Variants in FARP1 observed in about 807,000 individuals in gnomAD.
The protein encoded by FARP1 is FERM, ARH/RhoGEF and pleckstrin domain protein 1.
Under a neutral mutation model 128.8 loss-of-function variants are expected in FARP1, and 52 were observed. That is an observed-to-expected ratio of 0.40 (90% CI 0.32 to 0.51). The LOEUF (loss-of-function observed/expected upper bound fraction) is 0.51. Ranked by LOEUF, FARP1 falls within the 20% of genes least tolerant of loss-of-function variation. The probability of loss-of-function intolerance (pLI) is 0.45; values close to 1 mark genes in which losing one functional copy is unlikely to be tolerated. For synonymous variants in FARP1, 580 were observed against 551.8 expected (o/e 1.05, Z -0.72); for missense variants, 1,333 against 1,367.9 (o/e 0.97, Z 0.40).
chr13:98,438,716 A>C, intron 19 of FARP1, 88 bp from the exon 20 acceptor site: 1 of 1,077,530 alleles, frequency 9.3e-7, no homozygotes, highest in Non-Finnish European at 1.4e-6. Flanking sequence ...CAGGGGCTAC[A>C]AATTTAGCCC....
In FARP1 at chr13:98,231,977, G is replaced by T. The variant is rs139859339; in HGVS notation, c.171+18564G>T. On this transcript the variant is annotated intron_variant, in intron 2 of 26. Transcript: ENST00000319562. ...CAAGTAGCTGGGATTACAGGTACTCGTCACCACGCCCAGCTAATTTCTTTG... is the reference window on the plus strand; with the variant it reads ...CAAGTAGCTGGGATTACAGGTACTCTTCACCACGCCCAGCTAATTTCTTTG... Among the ~76,000 whole-genome samples, 419 of 151,834 alleles carry T rather than the reference G, an allele frequency of 2.8e-3. 1 individual carries two copies. Among genetic ancestry groups the T allele is most frequent in the African/African-American group, 9.2e-3 (382 of 41,404 alleles).
chr13:98,301,603 T>G (rs1253047091), intron 2 of FARP1, among the ~76,000 whole-genome samples: 5 of 152,138 alleles, frequency 3.3e-5, no homozygotes, highest in Admixed American at 2.6e-4. Context: ...AAGCTCAGCG[T>G]TTTCTAGATA....
chr13:98,395,546 G>C, intron 13 of FARP1, 70 bp downstream of exon 13: 1 of 1,487,104 alleles, frequency 6.7e-7, no homozygotes, highest in Non-Finnish European at 9.0e-7. Context: ...GACGTAGATA[G>C]CGAATACGAC....
chr13:98,374,222 G>T (rs1889476879), intron 5 of FARP1, among the ~76,000 whole-genome samples: 1 of 152,114 alleles, frequency 6.6e-6, no homozygotes, highest in Admixed American at 6.5e-5. Context: ...CTAGCAGTTT[G>T]AGACCAGCCT....
chr13:98,265,761 C>T (rs1004074365), intron 2 of FARP1, among the ~76,000 whole-genome samples: 2 of 152,176 alleles, frequency 1.3e-5, no homozygotes, highest in Non-Finnish European at 2.9e-5. Context: ...TTTCTACTTG[C>T]AACAACTCAT....
chr13:98,170,413 A>G (rs1268875276), intron 1 of FARP1, among the ~76,000 whole-genome samples: 10 of 151,004 alleles, frequency 6.6e-5, no homozygotes, highest in Non-Finnish European at 1.3e-4. Context: ...CTGGAGTGCA[A>G]TGGCGCGATC....
chr13:98,439,255 C>T (rs1892423465), intron 21 of FARP1, 59 bp downstream of exon 21: 1 of 1,214,632 alleles, frequency 8.2e-7, no homozygotes, highest in African/African-American at 1.5e-5. Context: ...GGTGCGGGCG[C>T]TGCTGACCCG....
At chr13:98,332,838 G>A (rs1353217725) in intron 2 of FARP1, 2 of 152,224 alleles carry the variant, frequency 1.3e-5, no homozygotes, top group African/African-American at 4.8e-5. Context: ...TATGATGGAA[G>A]ATGACAATGG....
chr13:98,228,602 C>T (rs1194495874), intron 2 of FARP1, among the ~76,000 whole-genome samples: 1 of 152,216 alleles, frequency 6.6e-6, no homozygotes, highest in Non-Finnish European at 1.5e-5. Flanking sequence ...TCTCGCCTTA[C>T]AGATCCATCA....
chr13:98,303,149 G>C (rs1247463977), intron 2 of FARP1, among the ~76,000 whole-genome samples: 1 of 152,180 alleles, frequency 6.6e-6, no homozygotes, highest in Admixed American at 6.5e-5. Context: ...ATGACGTGTT[G>C]TTTGAAGCCA....
intron 2 of FARP1, among the ~76,000 whole-genome samples, chr13:98,274,291 G>A (rs1295287318): frequency 6.6e-6 from 1 of 152,162 alleles, no homozygotes; most frequent in Non-Finnish European, 1.5e-5. Context: ...GGCGCACAGG[G>A]CCATGCTTGG....
At chr13:98,389,041 G>A (rs1213637613) in intron 9 of FARP1, among the ~76,000 whole-genome samples, 1 of 152,270 alleles carries the variant, frequency 6.6e-6, no homozygotes, top group Non-Finnish European at 1.5e-5. Flanking sequence ...GGAGGTGGGT[G>A]ATGTGTCCTG....
At chr13:98,269,763 G>C (rs1421369210) in intron 2 of FARP1, among the ~76,000 whole-genome samples, 2 of 152,194 alleles carry the variant, frequency 1.3e-5, no homozygotes, top group Non-Finnish European at 2.9e-5. Flanking sequence ...TGAGTGGTCG[G>C]GGGGTGTCAG....
At chr13:98,363,157 C>T (rs930536237) in intron 3 of FARP1, among the ~76,000 whole-genome samples, 23 of 152,310 alleles carry the variant, frequency 1.5e-4, no homozygotes, top group Admixed American at 9.2e-4. Flanking sequence ...AAGGACCAAG[C>T]GTCTGAATGT....
intron 19 of FARP1, 63 bp from the exon 20 acceptor site, chr13:98,438,741 C>A: frequency 7.2e-7 from 1 of 1,383,342 alleles, no homozygotes; most frequent in Non-Finnish European, 1.0e-6. Context: ...GGTCTGCACA[C>A]TGGCCGTCAG....
rs56376512 is a variant in FARP1 at position 98,349,672 on chromosome 13, GAAAAAA to G, written c.276+5831_276+5836del. 9.9e-3 allele frequency among the ~76,000 whole-genome samples: 591 copies of G among 59,858 alleles called. 11 individuals carry two copies. Among genetic ancestry groups the G allele is most frequent in the African/African-American group, 0.038 (563 of 14,868 alleles). 39.3% of individuals were successfully genotyped at this position (59,858 alleles called of 152,430 possible). A position where few individuals can be genotyped will look rare whatever the true frequency, so the allele number is the denominator to read the frequency against. On this transcript the variant is annotated intron_variant, in intron 3 of 26. Coordinates refer to ENST00000319562, the MANE Select transcript of FARP1 (RefSeq NM_005766.4). ...GCGACAGAGCAAGACCCATCTCAGG[GAAAAAA>G]AAAAAAAAAAAAAAAAAAAAAAAAG... is the stretch of plus-strand genomic sequence containing the variant.
intron 19 of FARP1, among the ~76,000 whole-genome samples, chr13:98,436,672 C>T (rs1368708045): frequency 1.3e-5 from 2 of 152,190 alleles, no homozygotes; most frequent in East Asian, 1.9e-4. Context: ...CCAGAAGCCA[C>T]GTTGTGAGAG....
chr13:98,295,045 TTACACA>T (rs1566843860), intron 2 of FARP1, among the ~76,000 whole-genome samples: 1 of 105,734 alleles, frequency 9.5e-6, no homozygotes, highest in Admixed American at 1.1e-4. Flanking sequence ...TATATATATA[TTACACA>T]CACACACACA....
chr13:98,188,772 G>A (rs977963171), intron 1 of FARP1, among the ~76,000 whole-genome samples: 4 of 152,204 alleles, frequency 2.6e-5, no homozygotes, highest in African/African-American at 7.2e-5. Context: ...TTCCTTGAGA[G>A]AAGTCCCTGC....
Sources: allele counts gnomAD v4.1 joint callset (sites outside exome capture counted in the v4.1 genomes callset), GRCh38; gene constraint gnomAD v4.1.1; transcripts MANE v1.5; gene names NCBI Gene and HGNC (gene_info 2026-07-23, HGNC 2026-07-21).